RB1CC1: variants seen among roughly 807,000 people sequenced by gnomAD.
RB1CC1 encodes the protein RB1-inducible coiled-coil protein 1.
A neutral mutation model predicts 177.5 loss-of-function variants in RB1CC1; 46 were observed. The observed-to-expected ratio is 0.26, with a 90% CI of 0.20 to 0.33. The LOEUF is 0.33. RB1CC1 is among the 10% of genes least tolerant of loss of function. The probability of loss-of-function intolerance (pLI) is 1.00; values close to 1 mark genes in which losing one functional copy is unlikely to be tolerated. For missense variants in RB1CC1, 1,703 were observed against 1,816.3 expected (o/e 0.94, Z 1.13); for synonymous variants, 666 against 613.6 (o/e 1.09, Z -1.26).
At chr8:52,663,113 ATCTAGTAC>A (rs1419046780) in intron 8 of RB1CC1, among the ~76,000 whole-genome samples, 1 of 152,092 alleles carries the variant, frequency 6.6e-6, no homozygotes, top group African/African-American at 2.4e-5. Flanking sequence ...CTCATAAATC[ATCTAGTAC>A]TAATTCATTA....
At chr8:52,695,806 TC>T in intron 1 of RB1CC1, among the ~76,000 whole-genome samples, 1 of 152,324 alleles carries the variant, frequency 6.6e-6, no homozygotes, top group East Asian at 1.9e-4. Context: ...TGTATCCTTC[TC>T]TTATAATAAA....
In RB1CC1 at chr8:52,623,361, TAA is replaced by T. The variant is rs1270422444; in HGVS notation, c.*419_*420del. On this transcript the variant is annotated 3_prime_UTR_variant, in exon 24 of 24. Coordinates refer to ENST00000025008, the MANE Select transcript of RB1CC1 (RefSeq NM_014781.5). ...TTTATACATTTTATAAAGAATGTGTTAAAGAGTGCAAGTATTCTGATACTGAT... is the reference window on the plus strand; with the variant it reads ...TTTATACATTTTATAAAGAATGTGTTAGAGTGCAAGTATTCTGATACTGAT... The T allele has an allele frequency of 3.7e-6, 1 of 269,076 alleles. No homozygotes were observed. Among genetic ancestry groups the T allele is most frequent in the East Asian group, 9.7e-5 (1 of 10,308 alleles). 16.7% of individuals were successfully genotyped at this position (269,076 alleles called of 1,614,324 possible). A position where few individuals can be genotyped will look rare whatever the true frequency, so the allele number is the denominator to read the frequency against.
intron 20 of RB1CC1, among the ~76,000 whole-genome samples, chr8:52,632,455 A>G (rs896909758): frequency 6.6e-6 from 1 of 152,180 alleles, no homozygotes; most frequent in African/African-American, 2.4e-5. Flanking sequence ...ATCCAGACAA[A>G]TGGTCTATAT....
chr8:52,654,073 G>A (rs1850870860), intron 15 of RB1CC1, among the ~76,000 whole-genome samples: 1 of 152,188 alleles, frequency 6.6e-6, no homozygotes, highest in Non-Finnish European at 1.5e-5. Context: ...TATGTGTCCT[G>A]TCCAGAAGAC....
At position 52,642,334 on chromosome 8, in the gene RB1CC1, A is replaced by G. The variant is rs2150411158; in HGVS notation, c.4337+17T>C. 2.5e-6 allele frequency: 4 copies of G among 1,596,012 alleles called. No homozygotes were observed. Among genetic ancestry groups the G allele is most frequent in the Non-Finnish European group, 3.4e-6 (4 of 1,167,800 alleles). On this transcript the variant is annotated intron_variant, in intron 18 of 23. Coordinates refer to ENST00000025008, the MANE Select transcript of RB1CC1 (RefSeq NM_014781.5). ...ATTGCAACAGCCTTAAAAACAGTTG[A>G]AAACAGCCATACTTACTGTACAGAC...
At chr8:52,691,586 A>G (rs1186151401) in intron 1 of RB1CC1, among the ~76,000 whole-genome samples, 1 of 152,232 alleles carries the variant, frequency 6.6e-6, no homozygotes, top group African/African-American at 2.4e-5. Flanking sequence ...ATTTGACTCC[A>G]GTATACAAAT....
intron 5 of RB1CC1, among the ~76,000 whole-genome samples, chr8:52,682,734 T>G (rs1367515978): frequency 6.6e-6 from 1 of 152,190 alleles, no homozygotes; most frequent in Non-Finnish European, 1.5e-5. Flanking sequence ...TTCTATTATG[T>G]AAATTCAGTT....
At chr8:52,696,886 C>CCA (rs1855465739) in intron 1 of RB1CC1, among the ~76,000 whole-genome samples, 1 of 152,078 alleles carries the variant, frequency 6.6e-6, no homozygotes, top group South Asian at 2.1e-4. Context: ...ACCTGTACTC[C>CCA]CAGCTACTTG....
intron 15 of RB1CC1, among the ~76,000 whole-genome samples, chr8:52,647,709 A>G (rs1448132120): frequency 1.3e-5 from 2 of 152,176 alleles, no homozygotes; most frequent in African/African-American, 4.8e-5. Flanking sequence ...AAATCAAGAG[A>G]GCACTGAGGT....
intron 1 of RB1CC1, among the ~76,000 whole-genome samples, chr8:52,710,684 C>T (rs1591167050): frequency 6.6e-6 from 1 of 151,464 alleles, no homozygotes; most frequent in Non-Finnish European, 1.5e-5. Flanking sequence ...TATTTTATAA[C>T]GGAAACTAAC....
At chr8:52,681,245 C>T (rs956946668) in intron 5 of RB1CC1, among the ~76,000 whole-genome samples, 18 of 152,096 alleles carry the variant, frequency 1.2e-4, no homozygotes, top group Admixed American at 6.5e-5. Flanking sequence ...ATCCGCCTGC[C>T]TTGGCCTCCC....
At chr8:52,654,561 T>A (rs962658282) in intron 15 of RB1CC1, among the ~76,000 whole-genome samples, 1 of 152,208 alleles carries the variant, frequency 6.6e-6, no homozygotes, top group Non-Finnish European at 1.5e-5. Flanking sequence ...TGGAGAACCA[T>A]CAGCTTTCAT....
chr8:52,637,757 G>T (rs760170510), intron 18 of RB1CC1, among the ~76,000 whole-genome samples: 1 of 151,880 alleles, frequency 6.6e-6, no homozygotes, highest in Non-Finnish European at 1.5e-5. Context: ...TGCAACCTCT[G>T]CCTCCCAGGT....
Position 52,683,951 on chromosome 8 carries a change from A to G in RB1CC1, c.134T>C (p.Leu45Pro), listed in dbSNP as rs1854010510. ...KYKIAIQHQV[L>P]VVNGGECMAA... The stretch of plus-strand genomic sequence containing the variant: ...CATGCATTCTCCTCCATTGACCACC[A>G]GCACCTGGTGTTGAATAGCAATCTT... Residue 45 changes from leucine to proline, a missense_variant, in exon 4 of 24, where the codon CTG becomes CCG. Leu to Pro is a moderately conservative substitution (Grantham distance 98). Around this residue, in one of 6 missense-constraint regions of RB1CC1, gnomAD observed 118 missense variants for 121.2 expected, o/e 0.97. Coordinates refer to ENST00000025008, the MANE Select transcript of RB1CC1 (RefSeq NM_014781.5). The G allele has an allele frequency of 1.2e-6, 2 of 1,614,030 alleles. No individual in the cohort carries two copies. Among genetic ancestry groups the G allele is most frequent in the Admixed American group, 1.7e-5 (1 of 60,006 alleles).
At chr8:52,671,250 A>G (rs1438284724) in intron 7 of RB1CC1, among the ~76,000 whole-genome samples, 1 of 152,234 alleles carries the variant, frequency 6.6e-6, no homozygotes, top group East Asian at 1.9e-4. Flanking sequence ...TTCCTGAGAA[A>G]GACATTTTAA....
chr8:52,644,828 A>G (rs1415005075), intron 16 of RB1CC1, among the ~76,000 whole-genome samples: 3 of 152,224 alleles, frequency 2.0e-5, no homozygotes, highest in African/African-American at 4.8e-5. Flanking sequence ...ATACCACATA[A>G]TATTACATGT....
At chr8:52,690,476 G>A (rs1185521534) in intron 1 of RB1CC1, among the ~76,000 whole-genome samples, 9 of 152,120 alleles carry the variant, frequency 5.9e-5, no homozygotes, top group African/African-American at 1.9e-4. Flanking sequence ...TGTAATCAAC[G>A]CACAAAAGAA....
Position 52,656,991 on chromosome 8 carries a change from A to C in RB1CC1, c.2838T>G (p.Cys946Trp). ...GTGACTGCTTCAGTTCTTTAATTTC[A>C]CAATTTTGAGAGTGCATTATATTTT... ...EMENIMHSQNCEIKELKQSRE... is the reference protein window; with the variant it reads ...EMENIMHSQNWEIKELKQSRE... Residue 946 changes from cysteine (C) to tryptophan (W), a missense_variant, in exon 15 of 24, where the codon TGT (cysteine) becomes TGG (tryptophan). This residue lies in a region of RB1CC1 where 1,169 missense variants were observed against 1,184.7 expected (regional missense o/e 0.99). Coordinates refer to ENST00000025008, the MANE Select transcript of RB1CC1 (RefSeq NM_014781.5). The C allele has an allele frequency of 6.2e-7, 1 of 1,613,662 alleles. No individual in the cohort carries two copies. Among genetic ancestry groups the C allele is most frequent in the South Asian group, 1.1e-5 (1 of 91,058 alleles).
At chr8:52,646,453 AG>A (rs1236413673) in intron 15 of RB1CC1, among the ~76,000 whole-genome samples, 2 of 151,730 alleles carry the variant, frequency 1.3e-5, no homozygotes, top group Non-Finnish European at 3.0e-5. Context: ...CATAAGAGAT[AG>A]GTAAACTCAA....
Sources: allele counts gnomAD v4.1 joint callset (sites outside exome capture counted in the v4.1 genomes callset), GRCh38; gene constraint gnomAD v4.1.1; regional missense constraint gnomAD v4.1.1; transcripts MANE v1.5; gene names NCBI Gene and HGNC (gene_info 2026-07-23, HGNC 2026-07-21).